Variants in HEMK2 observed in about 807,000 individuals in gnomAD.
HEMK2 encodes the protein HemK methyltransferase 2, ETF1 glutamine and histone H4 lysine.
At chr21:28,752,360 A>AGT in the HEMK2 span, among the ~76,000 whole-genome samples, 2 of 152,212 alleles carry the variant, frequency 1.3e-5, no homozygotes, top group African/African-American at 4.8e-5. Flanking sequence ...TCCAGTTAGT[A>AGT]GTACCTCACT....
chr21:28,739,536 G>T, the HEMK2 span, among the ~76,000 whole-genome samples: 1 of 152,150 alleles, frequency 6.6e-6, no homozygotes, highest in African/African-American at 2.4e-5. Context: ...AACTTCATCA[G>T]TTGGGAGAAA....
the HEMK2 span, among the ~76,000 whole-genome samples, chr21:28,660,346 G>A: frequency 6.6e-6 from 1 of 151,602 alleles, no homozygotes; most frequent in East Asian, 1.9e-4. Flanking sequence ...AATTGGGCAA[G>A]CTTTACTTGT....
At chr21:28,606,188 C>T in the HEMK2 span, among the ~76,000 whole-genome samples, 4 of 152,228 alleles carry the variant, frequency 2.6e-5, no homozygotes, top group Admixed American at 1.3e-4. Context: ...GCAATCCAAG[C>T]CCCAAGCATT....
the HEMK2 span, among the ~76,000 whole-genome samples, chr21:28,850,227 T>C: frequency 7.1e-5 from 10 of 140,982 alleles, no homozygotes; most frequent in African/African-American, 2.4e-4. Flanking sequence ...CTTTTTTTTT[T>C]TTTTTTTTTT....
chr21:28,860,348 T>C, the HEMK2 span, among the ~76,000 whole-genome samples: 1 of 152,130 alleles, frequency 6.6e-6, no homozygotes, highest in Non-Finnish European at 1.5e-5. Flanking sequence ...GTTCTTCAGT[T>C]TTGGAACTCA....
chr21:28,739,818 A>G, the HEMK2 span, among the ~76,000 whole-genome samples: 4 of 152,268 alleles, frequency 2.6e-5, no homozygotes, highest in African/African-American at 7.2e-5. Context: ...TGGACAGCAC[A>G]GTTCTAGAAG....
the HEMK2 span, among the ~76,000 whole-genome samples, chr21:28,808,148 C>A: frequency 1.4e-4 from 21 of 152,196 alleles, no homozygotes; most frequent in African/African-American, 5.1e-4. Context: ...AGGGCAGAAT[C>A]TAAATTGGGC....
At chr21:28,621,520 C>T in the HEMK2 span, among the ~76,000 whole-genome samples, 2 of 152,270 alleles carry the variant, frequency 1.3e-5, no homozygotes, top group East Asian at 1.9e-4. Context: ...GTGTGAGCAA[C>T]ATGGCTGTTT....
At chr21:28,640,685 T>C in the HEMK2 span, among the ~76,000 whole-genome samples, 3 of 150,228 alleles carry the variant, frequency 2.0e-5, no homozygotes, top group African/African-American at 7.2e-5. Context: ...GGATGTCTGA[T>C]CTAGGCTTCA....
chr21:28,805,712 G>T, the HEMK2 span, among the ~76,000 whole-genome samples: 1 of 151,546 alleles, frequency 6.6e-6, no homozygotes, highest in Non-Finnish European at 1.5e-5. Flanking sequence ...GGTGCTACAT[G>T]CTTTAAAAGT....
At chr21:28,830,350 C>G in the HEMK2 span, among the ~76,000 whole-genome samples, 2 of 151,878 alleles carry the variant, frequency 1.3e-5, no homozygotes, top group Non-Finnish European at 2.9e-5. Flanking sequence ...TGGCACTTCC[C>G]CCCCTTCACT....
At chr21:28,710,190 CT>C in the HEMK2 span, among the ~76,000 whole-genome samples, 10 of 152,268 alleles carry the variant, frequency 6.6e-5, no homozygotes, top group African/African-American at 2.4e-4. Flanking sequence ...CATCAGATGC[CT>C]TTCACTAAGT....
chr21:28,726,019 T>C, the HEMK2 span, among the ~76,000 whole-genome samples: 1 of 112,524 alleles, frequency 8.9e-6, no homozygotes, highest in Non-Finnish European at 1.9e-5. Context: ...TGTACATGCT[T>C]ATCTTGTTTT....
chr21:28,818,444 ATATATATG>A, the HEMK2 span, among the ~76,000 whole-genome samples: 1 of 152,100 alleles, frequency 6.6e-6, no homozygotes, highest in South Asian at 2.1e-4. Context: ...ATAAACTCAT[ATATATATG>A]TATATATGTA....
the HEMK2 span, among the ~76,000 whole-genome samples, chr21:28,838,391 G>A: frequency 5.3e-5 from 8 of 151,788 alleles, no homozygotes; most frequent in African/African-American, 1.2e-4. Flanking sequence ...AAAATTAGCC[G>A]GGCATGGTGG....
the HEMK2 span, among the ~76,000 whole-genome samples, chr21:28,835,379 C>T: frequency 6.6e-6 from 1 of 152,046 alleles, no homozygotes; most frequent in East Asian, 1.9e-4. Context: ...GTGGCTAGAC[C>T]CAGAAGACAG....
At chr21:28,726,857 T>A in the HEMK2 span, among the ~76,000 whole-genome samples, 5 of 130,640 alleles carry the variant, frequency 3.8e-5, no homozygotes, top group African/African-American at 1.6e-4. Flanking sequence ...GGCAACAGAG[T>A]AGGACCCTAT....
the HEMK2 span, among the ~76,000 whole-genome samples, chr21:28,786,495 AC>A: frequency 1.3e-5 from 2 of 152,074 alleles, no homozygotes; most frequent in African/African-American, 4.8e-5. Flanking sequence ...ACATGGTGAA[AC>A]CCTGTCTCTT....
chr21:28,697,097 G>A, the HEMK2 span, among the ~76,000 whole-genome samples: 12 of 152,250 alleles, frequency 7.9e-5, no homozygotes, highest in Admixed American at 2.6e-4. Flanking sequence ...TTTCCCTGTT[G>A]TCTTGGTTAT....
Sources: allele counts gnomAD v4.1 joint callset (sites outside exome capture counted in the v4.1 genomes callset), GRCh38; gene constraint gnomAD v4.1.1; transcripts MANE v1.5; gene names NCBI Gene and HGNC (gene_info 2026-07-23, HGNC 2026-07-21).